SLC23A2: variants seen among roughly 807,000 people sequenced by gnomAD.
SLC23A2 encodes Na(+)/L-ascorbic acid transporter 2.
In SLC23A2, 36 loss-of-function variants were observed where a neutral mutation model predicts 73.3. The ratio of observed to expected loss-of-function variants is 0.49; its 90% CI spans 0.38 to 0.65. The LOEUF (loss-of-function observed/expected upper bound fraction) is 0.65. Ranked by LOEUF, SLC23A2 falls within the 30% of genes least tolerant of loss-of-function variation. SLC23A2 has a pLI of 0.00. For missense variants in SLC23A2, 507 were observed against 841.6 expected (o/e 0.60, Z 4.92); for synonymous variants, 343 against 327.3 (o/e 1.05, Z -0.52).
rs13044374 is a variant in SLC23A2 at position 4,863,329 on chromosome 20, C to T, written c.1357-422G>A. On this transcript the variant is annotated intron_variant, in intron 13 of 16. Coordinates refer to ENST00000338244, the MANE Select transcript of SLC23A2 (RefSeq NM_005116.6). This position sits in a 1 kb window ranked among gnomAD's most constrained non-coding sequence, Gnocchi z 4.8. ...ACATGTCTGGAACCTCCTCTCCTCA[C>T]GGCACGCTTCCCGTGAGAGGTGGAA... Among the ~76,000 whole-genome samples the T allele has an allele frequency of 1.3e-4, 20 of 152,342 alleles. No homozygotes were observed. In the East Asian group the frequency reaches 1.9e-3, roughly 15 times the overall value.
rs547588417 is a variant in SLC23A2 at position 4,893,657 on chromosome 20, G to A, written c.482+5898C>T. ...AGAGGAACTCTCTCTCCTTAGGGCA[G>A]ACAATCTGGTTAGAGGCCAGGTTCC... On this transcript the variant is annotated intron_variant, in intron 6 of 16. Transcript: ENST00000338244. 4.6e-5 allele frequency among the ~76,000 whole-genome samples: 7 copies of A among 152,306 alleles called. No individual in the cohort carries two copies. In the East Asian group the frequency reaches 7.7e-4, roughly 17 times the overall value.
At chr20:4,938,152 T>G (rs1159646870) in intron 2 of SLC23A2, among the ~76,000 whole-genome samples, 1 of 151,000 alleles carries the variant, frequency 6.6e-6, no homozygotes, top group Non-Finnish European at 1.5e-5. Context: ...CACCTCAGCC[T>G]CCTGAGTAGC....
At chr20:5,008,828 A>G (rs2088218418) in intron 1 of SLC23A2, among the ~76,000 whole-genome samples, 1 of 151,832 alleles carries the variant, frequency 6.6e-6, no homozygotes, top group Non-Finnish European at 1.5e-5. Flanking sequence ...CAGCCTCCCA[A>G]AGTGCTGGGA....
In SLC23A2 at chr20:4,873,753, G is replaced by A. The variant is rs186435129; in HGVS notation, c.1102+183C>T. On this transcript the variant is annotated intron_variant, in intron 11 of 16. Coordinates refer to ENST00000338244, the MANE Select transcript of SLC23A2 (RefSeq NM_005116.6). ...GTGAGAAGGGAGCCGGTCAGTCTCT[G>A]TGTGTTGGTTTCTGCCCTCTGGGGA... The A allele has an allele frequency of 7.6e-4, 413 of 544,666 alleles. 7 individuals are homozygous for A. In the East Asian group the frequency reaches 7.6e-3, roughly 10 times the overall value. 33.7% of individuals were successfully genotyped at this position (544,666 alleles called of 1,614,324 possible).
intron 1 of SLC23A2, among the ~76,000 whole-genome samples, chr20:4,994,358 A>G (rs2087981175): frequency 6.6e-6 from 1 of 152,046 alleles, no homozygotes; most frequent in African/African-American, 2.4e-5. Context: ...TTTGACAAGG[A>G]AGGTGTTGTA....
At chr20:4,941,234 A>C (rs1440704152) in intron 2 of SLC23A2, among the ~76,000 whole-genome samples, 1 of 152,044 alleles carries the variant, frequency 6.6e-6, no homozygotes, top group Non-Finnish European at 1.5e-5. Flanking sequence ...TATAATTAAC[A>C]ATACGTCGGT....
At chr20:4,969,935 A>C (rs1340887263) in intron 2 of SLC23A2, among the ~76,000 whole-genome samples, 1 of 152,216 alleles carries the variant, frequency 6.6e-6, no homozygotes, top group Non-Finnish European at 1.5e-5. Flanking sequence ...AAAATTAAAA[A>C]TAATCAAAAT....
At chr20:4,977,761 A>G (rs1383179967) in intron 1 of SLC23A2, among the ~76,000 whole-genome samples, 1 of 151,576 alleles carries the variant, frequency 6.6e-6, no homozygotes, top group Non-Finnish European at 1.5e-5. Flanking sequence ...CTGGTCTCGA[A>G]CTCCTGAGCT....
chr20:4,916,677 C>T (rs1197164402), intron 3 of SLC23A2, among the ~76,000 whole-genome samples: 1 of 152,182 alleles, frequency 6.6e-6, no homozygotes. Context: ...TAATGATCCC[C>T]AACTTAAATG....
intron 2 of SLC23A2, among the ~76,000 whole-genome samples, chr20:4,961,932 C>CCT (rs2087397462): frequency 6.6e-6 from 1 of 152,144 alleles, no homozygotes; most frequent in African/African-American, 2.4e-5. Context: ...TGCCTCATAG[C>CCT]CTCTGTGGGT....
At position 4,862,882 on chromosome 20, in the gene SLC23A2, C is replaced by T. The variant is rs766324516; in HGVS notation, c.1382G>A (p.Cys461Tyr). 1.2e-6 allele frequency: 2 copies of T among 1,613,148 alleles called. No homozygotes were observed. Among genetic ancestry groups the T allele is most frequent in the African/African-American group, 2.7e-5 (2 of 74,916 alleles). The change falls in exon 14 of 17, where the codon TGC becomes TAC. Residue 461 changes from cysteine to tyrosine, a missense_variant. Cys to Tyr is a radical substitution (Grantham distance 194, BLOSUM62 -2). Around this residue, in one of 5 missense-constraint regions of SLC23A2, gnomAD observed 168 missense variants for 302.3 expected, o/e 0.56. Coordinates refer to ENST00000338244, the MANE Select transcript of SLC23A2 (RefSeq NM_005116.6). The surrounding 1 kb of genome is among the most constrained non-coding windows in gnomAD (Gnocchi z 5.1). ...CAGAGCGAGCATGAGGGCTGCTCCGCACTGTATCACGCGGCGGCTGCCGAC... is the reference window on the plus strand; with the variant it reads ...CAGAGCGAGCATGAGGGCTGCTCCGTACTGTATCACGCGGCGGCTGCCGAC... ...TKVGSRRVIQ[C>Y]GAALMLALGM... is the part of the protein sequence containing the mutation.
rs749585975 is a variant in SLC23A2, at chr20:4,988,947, G to A, written c.-282+12459C>T. Among the ~76,000 whole-genome samples, 6 of 151,172 alleles carry A rather than the reference G, an allele frequency of 4.0e-5. No individual in the cohort carries two copies. The East Asian group carries it at 5.9e-4, about 15-fold the overall frequency. On this transcript the variant is annotated intron_variant, in intron 1 of 16. Transcript: ENST00000338244. ...GGGAAAGGGAAAAGGAAAAGAAATC[G>A]CTAACTAGGCCGGGCGCGGTGGCTC... is the stretch of plus-strand genomic sequence containing the variant.
chr20:4,864,426 C>CA (rs1049690082), intron 13 of SLC23A2, among the ~76,000 whole-genome samples: 1 of 152,114 alleles, frequency 6.6e-6, no homozygotes, highest in Non-Finnish European at 1.5e-5. Context: ...CAGCTGGACT[C>CA]AGTCACTGTC....
intron 3 of SLC23A2, among the ~76,000 whole-genome samples, chr20:4,920,737 C>T (rs1453795098): frequency 1.3e-5 from 2 of 152,152 alleles, no homozygotes; most frequent in East Asian, 1.9e-4. Flanking sequence ...ACAGACACTT[C>T]CTTCTACAAC....
At chr20:4,975,406 A>G (rs981632863) in intron 1 of SLC23A2, among the ~76,000 whole-genome samples, 1 of 152,120 alleles carries the variant, frequency 6.6e-6, no homozygotes, top group African/African-American at 2.4e-5. Context: ...TTTGAGACAG[A>G]GTTTCACTCT....
intron 2 of SLC23A2, among the ~76,000 whole-genome samples, chr20:4,966,338 A>G (rs2087474063): frequency 6.6e-6 from 1 of 152,118 alleles, no homozygotes. Context: ...ATACTGAAAA[A>G]TCCAAGAGCT....
intron 2 of SLC23A2, among the ~76,000 whole-genome samples, chr20:4,956,428 G>A (rs1046390801): frequency 1.3e-5 from 2 of 152,178 alleles, no homozygotes; most frequent in African/African-American, 4.8e-5. Context: ...ATGGCACTTG[G>A]TAGAAGAAAC....
chr20:5,003,247 G>A (rs1418051888), upstream of SLC23A2, among the ~76,000 whole-genome samples: 2 of 152,066 alleles, frequency 1.3e-5, no homozygotes, highest in Non-Finnish European at 2.9e-5. Context: ...AGCCGGGCGT[G>A]GTGGCGGGCG....
chr20:4,934,494 C>T (rs2086929148), intron 2 of SLC23A2, among the ~76,000 whole-genome samples: 1 of 152,164 alleles, frequency 6.6e-6, no homozygotes, highest in African/African-American at 2.4e-5. Context: ...ACACTCGGAA[C>T]ATGCATATAG....
Sources: allele counts gnomAD v4.1 joint callset (sites outside exome capture counted in the v4.1 genomes callset), GRCh38; gene constraint gnomAD v4.1.1; regional missense constraint gnomAD v4.1.1; non-coding constraint Gnocchi (gnomAD v3.1); transcripts MANE v1.5; gene names NCBI Gene and HGNC (gene_info 2026-07-23, HGNC 2026-07-21).